The following GPC3 variants were observed in gnomAD, a reference collection of about 807,000 sequenced individuals.
GPC3 encodes the protein glypican-3.
GPC3 carries 3 observed loss-of-function variants against 34.4 expected under a neutral mutation model. That is an observed-to-expected ratio of 0.09 (90% CI 0.04 to 0.23). GPC3 has a LOEUF of 0.23. GPC3 is among the 10% of genes least tolerant of loss of function. The pLI is 1.00. For synonymous variants in GPC3, 177 were observed against 174.0 expected (o/e 1.02, Z -0.13); for missense variants, 351 against 445.6 (o/e 0.79, Z 1.91).
chrX:133,538,077 A>C (rs909485600), intron 7 of GPC3, among the ~76,000 whole-genome samples: 8 of 111,712 alleles, frequency 7.2e-5, no homozygotes, highest in Non-Finnish European at 1.5e-4. Context: ...TTTTCCAGGA[A>C]ACTCTCTTAC....
intron 2 of GPC3, among the ~76,000 whole-genome samples, chrX:133,876,993 T>G (rs2076019818): frequency 8.9e-6 from 1 of 111,869 alleles, no homozygotes; most frequent in East Asian, 2.8e-4. Context: ...AATGTCTTGA[T>G]GCTGAACTGG....
chrX:133,978,810 C>T (rs752797316), intron 1 of GPC3, among the ~76,000 whole-genome samples: 9 of 111,672 alleles, frequency 8.1e-5, no homozygotes, highest in African/African-American at 1.6e-4. Context: ...AAAATATAGC[C>T]GCTAACCTCA....
At chrX:133,654,185 T>C (rs910355946) in intron 6 of GPC3, among the ~76,000 whole-genome samples, 5 of 111,439 alleles carry the variant, frequency 4.5e-5, no homozygotes, top group Non-Finnish European at 9.4e-5. Flanking sequence ...AGGGTCTACT[T>C]TGTATATGCT....
At chrX:133,674,000 G>T (rs914255478) in intron 5 of GPC3, among the ~76,000 whole-genome samples, 3 of 111,292 alleles carry the variant, frequency 2.7e-5, no homozygotes, top group Non-Finnish European at 3.8e-5. Flanking sequence ...AGAGGTGGGC[G>T]GATTGCTTGA....
chrX:133,551,092 AC>A (rs1399686689), intron 7 of GPC3, among the ~76,000 whole-genome samples: 11 of 109,828 alleles, frequency 1.0e-4, no homozygotes, highest in Admixed American at 5.8e-4. Context: ...GTGTTCCCAT[AC>A]CTTTGACCCC....
In GPC3 at chrX:133,923,986, T is replaced by C. The variant is rs766398520; in HGVS notation, c.337+29064A>G. On this transcript the variant is annotated intron_variant, in intron 2 of 7. Coordinates refer to ENST00000370818, the MANE Select transcript of GPC3 (RefSeq NM_004484.4). Reference sequence around the variant, plus strand: ...TCCTATAAATCGCCCAGGAACATTGTTTTTAAAAGGGAGAAATCACCTTGA... The same window carrying C: ...TCCTATAAATCGCCCAGGAACATTGCTTTTAAAAGGGAGAAATCACCTTGA... Among the ~76,000 whole-genome samples, 21 of 111,886 alleles carry C rather than the reference T, an allele frequency of 1.9e-4. No individual in the cohort carries two copies. The Admixed American group carries it at 1.9e-3, about 10-fold the overall frequency.
intron 3 of GPC3, among the ~76,000 whole-genome samples, chrX:133,711,216 T>C (rs2124446804): frequency 8.9e-6 from 1 of 112,227 alleles, no homozygotes; most frequent in Non-Finnish European, 1.9e-5. Context: ...GGTCTAGGAT[T>C]CCATCAACTG....
chrX:133,913,009 G>A (rs892442204), intron 2 of GPC3, among the ~76,000 whole-genome samples: 5 of 104,256 alleles, frequency 4.8e-5, no homozygotes, highest in Admixed American at 1.0e-4. Flanking sequence ...AGCCGAGATC[G>A]TGCCACTGCA....
chrX:133,809,661 G>C (rs920325087), intron 2 of GPC3, among the ~76,000 whole-genome samples: 36 of 111,974 alleles, frequency 3.2e-4, no homozygotes, highest in African/African-American at 1.1e-3. Context: ...GCGGCATCCA[G>C]CAATGCTATT....
At chrX:133,676,468 C>T (rs975753349) in intron 5 of GPC3, among the ~76,000 whole-genome samples, 1 of 112,293 alleles carries the variant, frequency 8.9e-6, no homozygotes, top group Non-Finnish European at 1.9e-5. Context: ...CCCTGCCACT[C>T]TCAAGTTGCC....
At chrX:133,809,238 T>C (rs1215266092) in intron 2 of GPC3, among the ~76,000 whole-genome samples, 4 of 112,321 alleles carry the variant, frequency 3.6e-5, no homozygotes, top group Non-Finnish European at 7.5e-5. Context: ...TATGCCTCCT[T>C]TCTAGGAAGT....
intron 7 of GPC3, among the ~76,000 whole-genome samples, chrX:133,554,202 C>T (rs935335501): frequency 1.2e-4 from 13 of 110,360 alleles, no homozygotes; most frequent in South Asian, 3.9e-4. Flanking sequence ...TTAGTAGAGA[C>T]GGGGTTTCAC....
intron 3 of GPC3, among the ~76,000 whole-genome samples, chrX:133,702,817 A>G (rs1043556729): frequency 8.9e-6 from 1 of 111,876 alleles, no homozygotes; most frequent in Non-Finnish European, 1.9e-5. Flanking sequence ...GCCACATCTT[A>G]TCAGACAGGC....
chrX:133,720,485 A>G (rs2071353069), intron 3 of GPC3, among the ~76,000 whole-genome samples: 1 of 111,809 alleles, frequency 8.9e-6, no homozygotes, highest in African/African-American at 3.3e-5. Flanking sequence ...GCCTGCCGCC[A>G]TCCATGTAAG....
chrX:133,889,922 A>G (rs756226818), intron 2 of GPC3, among the ~76,000 whole-genome samples: 1 of 97,077 alleles, frequency 1.0e-5, no homozygotes, highest in Admixed American at 1.3e-4. Context: ...TACAAACTCC[A>G]CTGCCTCGCT....
chrX:133,597,044 TGAG>T (rs1051830074), intron 6 of GPC3, among the ~76,000 whole-genome samples: 3 of 111,643 alleles, frequency 2.7e-5, no homozygotes, highest in Non-Finnish European at 5.6e-5. Flanking sequence ...TCCTACCAAA[TGAG>T]GAGAATAGCA....
chrX:133,567,464 G>A (rs2069592530), intron 7 of GPC3, among the ~76,000 whole-genome samples: 1 of 111,921 alleles, frequency 8.9e-6, no homozygotes, highest in East Asian at 2.8e-4. Context: ...TCCTATGAAG[G>A]ACAAAACTCA....
intron 3 of GPC3, among the ~76,000 whole-genome samples, chrX:133,743,110 C>T (rs1057123689): frequency 1.8e-5 from 2 of 112,590 alleles, no homozygotes; most frequent in East Asian, 2.8e-4. Flanking sequence ...AACAGTCCCC[C>T]GGACAAGGAA....
At chrX:133,854,468 G>A (rs1455010239) in intron 2 of GPC3, among the ~76,000 whole-genome samples, 1 of 111,831 alleles carries the variant, frequency 8.9e-6, no homozygotes, top group Non-Finnish European at 1.9e-5. Flanking sequence ...ATTAAGATAT[G>A]GGCCTGGTTG....
Sources: gnomAD v4.1 joint callset for allele counts (sites outside exome capture counted in the v4.1 genomes callset) on GRCh38, gnomAD v4.1.1 for gene constraint, MANE v1.5 for transcripts, NCBI Gene and HGNC (gene_info 2026-07-23, HGNC 2026-07-21) for gene names.